The following SEH1L variants were observed in gnomAD, a reference collection of about 807,000 sequenced individuals.
The protein encoded by SEH1L is SEH1 like nucleoporin, also known as nucleoporin SEH1.
Under a neutral mutation model 49.5 loss-of-function variants are expected in SEH1L, and 18 were observed. That is an observed-to-expected ratio of 0.36 (90% CI 0.25 to 0.54). The LOEUF is 0.54. SEH1L is among the 20% of genes least tolerant of loss of function. The probability of loss-of-function intolerance (pLI) is 0.87; values close to 1 mark genes in which losing one functional copy is unlikely to be tolerated. For synonymous variants in SEH1L, 169 were observed against 178.1 expected (o/e 0.95, Z 0.41); for missense variants, 404 against 528.8 (o/e 0.76, Z 2.31).
chr18:12,948,397 A>C (rs1568205005), intron 1 of SEH1L, 165 bp downstream of exon 1: 1 of 527,094 alleles, frequency 1.9e-6, no homozygotes, highest in Non-Finnish European at 3.3e-6. Flanking sequence ...CCGCCCGCGT[A>C]TTGTGGGGTC....
intron 2 of SEH1L, among the ~76,000 whole-genome samples, chr18:12,952,255 G>A (rs1467869974): frequency 6.8e-6 from 1 of 147,722 alleles, no homozygotes; most frequent in African/African-American, 2.5e-5. Context: ...TTTTGAGACG[G>A]AGAGTCTTGC....
rs186480253 is a variant in SEH1L, at chr18:12,971,162, T to G, written c.531T>G (p.Ala177=). The change falls in exon 5 of 9, where the codon GCT becomes GCG. Residue 177 remains alanine, a synonymous_variant. Transcript: ENST00000399892. ...TTCTCCCCGTTTCTAGCTCTCGTGCTCATTCCCCCATGATCGCCGTAGGAA... is the reference window on the plus strand; with the variant it reads ...TTCTCCCCGTTTCTAGCTCTCGTGCGCATTCCCCCATGATCGCCGTAGGAA... ...CISWNPSSSR[A]HSPMIAVGSD... 1.2e-6 allele frequency: 2 copies of G among 1,612,488 alleles called. No individual in the cohort carries two copies. Among genetic ancestry groups the G allele is most frequent in the African/African-American group, 2.7e-5 (2 of 75,016 alleles).
At chr18:12,983,222 T>TATA (rs1428054509) in intron 7 of SEH1L, 1 of 152,394 alleles carries the variant, frequency 6.6e-6, no homozygotes, top group Non-Finnish European at 1.5e-5. Context: ...GATTATCCAT[T>TATA]AGGCAGAGAT....
chr18:12,982,759 TTG>T, intron 7 of SEH1L, 84 bp downstream of exon 7: 2 of 1,126,252 alleles, frequency 1.8e-6, no homozygotes, highest in Non-Finnish European at 2.5e-6. Flanking sequence ...GAAATATTTT[TTG>T]AAAATGGTCT....
chr18:12,951,657 C>T (rs2030537064), intron 1 of SEH1L, among the ~76,000 whole-genome samples, 198 bp from the exon 2 acceptor site: 1 of 152,240 alleles, frequency 6.6e-6, no homozygotes, highest in South Asian at 2.1e-4. Context: ...TCCCAAAGTG[C>T]TGGGATTACA....
intron 6 of SEH1L, among the ~76,000 whole-genome samples, chr18:12,979,695 G>T (rs1255097396): frequency 2.7e-4 from 41 of 149,660 alleles, no homozygotes; most frequent in African/African-American, 8.9e-4. Flanking sequence ...GCTGGGCGGG[G>T]GGCTGACCCC....
At chr18:12,975,866 C>T in intron 5 of SEH1L, 1 of 985,714 alleles carries the variant, frequency 1.0e-6, no homozygotes, top group Non-Finnish European at 1.2e-6. Flanking sequence ...GTCTAGGAGG[C>T]ACCAGCTGTA....
intron 8 of SEH1L, chr18:12,985,941 T>C (rs2032440510): frequency 1.1e-6 from 1 of 906,044 alleles, no homozygotes; most frequent in African/African-American, 1.8e-5. Context: ...GGAAACACTT[T>C]TTTTATAAGT....
chr18:12,949,442 GTTTTTTTTTTTT>G (rs71174155), intron 1 of SEH1L, among the ~76,000 whole-genome samples: 5 of 51,796 alleles, frequency 9.7e-5, no homozygotes, highest in South Asian at 8.6e-4. Flanking sequence ...TACGTTAACC[GTTTTTTTTTTTT>G]TTTTTTTTTT....
At chr18:12,980,693 G>A (rs1368952899) in intron 6 of SEH1L, among the ~76,000 whole-genome samples, 2 of 106,462 alleles carry the variant, frequency 1.9e-5, no homozygotes, top group African/African-American at 7.5e-5. Context: ...AGGGCGGGGG[G>A]CTGACACCCC....
chr18:12,963,769 GTGGC>G (rs2031304258), intron 4 of SEH1L, among the ~76,000 whole-genome samples: 3 of 152,230 alleles, frequency 2.0e-5, no homozygotes, highest in African/African-American at 7.2e-5. Context: ...CTGGAGTGCA[GTGGC>G]ACCATCTTGG....
intron 4 of SEH1L, among the ~76,000 whole-genome samples, chr18:12,970,742 A>C (rs2031665075): frequency 6.6e-6 from 1 of 152,182 alleles, no homozygotes; most frequent in Admixed American, 6.5e-5. Context: ...CTTTTTGTCA[A>C]AGCACTTAAG....
chr18:12,951,943 A>C (rs1293054334), intron 2 of SEH1L, 38 bp downstream of exon 2: 1 of 1,109,746 alleles, frequency 9.0e-7, no homozygotes, highest in Admixed American at 2.4e-5. Flanking sequence ...AAATACAGAA[A>C]TATTTACTGT....
chr18:12,982,013 C>T (rs932285794), intron 6 of SEH1L, among the ~76,000 whole-genome samples: 2 of 151,950 alleles, frequency 1.3e-5, no homozygotes, highest in African/African-American at 2.4e-5. Context: ...GCGCCCGCCA[C>T]CATGCCTGGC....
In SEH1L at chr18:12,971,181, G is replaced by A. The variant is rs374718956; in HGVS notation, c.550G>A (p.Val184Ile). ...SSRAHSPMIAVGSDDSSPNAM... is the reference protein window; with the variant it reads ...SSRAHSPMIAIGSDDSSPNAM... ...TCGTGCTCATTCCCCCATGATCGCC[G>A]TAGGAAGTGATGACAGTAGCCCCAA... The change falls in exon 5 of 9, where the codon GTA (valine) becomes ATA (isoleucine). Residue 184 changes from valine (V) to isoleucine (I), a missense_variant. Around this residue, in one of 3 missense-constraint regions of SEH1L, gnomAD observed 342 missense variants for 430.8 expected, o/e 0.79. Coordinates refer to ENST00000399892, the MANE Select transcript of SEH1L (RefSeq NM_001013437.2). The A allele has an allele frequency of 1.2e-5, 20 of 1,613,576 alleles. No individual in the cohort carries two copies. Among genetic ancestry groups the A allele is most frequent in the South Asian group, 8.8e-5 (8 of 91,076 alleles).
chr18:12,961,868 T>C (rs2031193164), intron 3 of SEH1L, among the ~76,000 whole-genome samples: 1 of 152,164 alleles, frequency 6.6e-6, no homozygotes, highest in Non-Finnish European at 1.5e-5. Context: ...GGTTTCACCA[T>C]GTTGGACAGG....
At chr18:12,961,274 A>T (rs924763601) in intron 3 of SEH1L, among the ~76,000 whole-genome samples, 3 of 152,176 alleles carry the variant, frequency 2.0e-5, no homozygotes, top group Non-Finnish European at 2.9e-5. Flanking sequence ...GAGCCCAGTC[A>T]TCCAACTCCT....
At chr18:12,979,609 T>C (rs376381695) in intron 6 of SEH1L, among the ~76,000 whole-genome samples, 7,405 of 149,336 alleles carry the variant, frequency 0.05, 257 homozygotes, top group East Asian at 0.16. Context: ...GGGTGGTGGC[T>C]GGGCAGAGGG....
rs150171090 is a variant in SEH1L at position 12,986,700 on chromosome 18, G to A, written c.1071-162G>A. On this transcript the variant is annotated intron_variant, in intron 8 of 8. Transcript: ENST00000399892. ...GTCTTGATTTGTGCTATTATGTTCT[G>A]TTAGTTTTGGCATGAATATACTAAA... 3.0e-4 allele frequency: 383 copies of A among 1,270,364 alleles called. 3 individuals carry two copies. The African/African-American group carries it at 5.8e-3, about 19-fold the overall frequency. 78.7% of individuals were successfully genotyped at this position (1,270,364 alleles called of 1,614,324 possible). A position where few individuals can be genotyped will look rare whatever the true frequency, so the allele number is the denominator to read the frequency against.
Sources: allele counts gnomAD v4.1 joint callset (sites outside exome capture counted in the v4.1 genomes callset), GRCh38; gene constraint gnomAD v4.1.1; regional missense constraint gnomAD v4.1.1; transcripts MANE v1.5; gene names NCBI Gene and HGNC (gene_info 2026-07-23, HGNC 2026-07-21).